Variants in PDCD2 observed in about 807,000 individuals in gnomAD.
PDCD2 encodes the protein programmed cell death 2, also known as uS5 assembly chaperone PDCD2.
A neutral mutation model predicts 38.1 loss-of-function variants in PDCD2; 38 were observed. The observed-to-expected ratio is 1.00, with a 90% CI of 0.77 to 1.31. The LOEUF is 1.31. PDCD2 is among the 50% of genes most tolerant of loss of function. PDCD2 has a pLI of 0.00. For synonymous variants in PDCD2, 205 were observed against 168.9 expected (o/e 1.21, Z -1.66); for missense variants, 473 against 435.7 (o/e 1.09, Z -0.76).
At position 170,580,070 on chromosome 6, in the gene PDCD2, T is replaced by C; in HGVS notation, c.694A>G (p.Lys232Glu). The change falls in exon 4 of 6, where the codon AAA becomes GAA. Residue 232 changes from lysine (K) to glutamate (E), a missense_variant. Lys to Glu is a moderately conservative substitution (Grantham distance 56). Coordinates refer to ENST00000541970, the MANE Select transcript of PDCD2 (RefSeq NM_002598.4). ...ALEEELDSMA[K>E]HESREDKIFQ... ...ATTTTATCTTCCCTGGATTCATGTTTTGCCATGGAATCCAGTTCTTCCTCA... is the reference window on the plus strand; with the variant it reads ...ATTTTATCTTCCCTGGATTCATGTTCTGCCATGGAATCCAGTTCTTCCTCA... 6.2e-7 allele frequency: 1 copy of C among 1,612,060 alleles called. No individual in the cohort carries two copies. The highest frequency in any genetic ancestry group is 8.5e-7 in the Non-Finnish European group (1 of 1,178,456).
chr6:170,584,623 C>A lies in PDCD2; in HGVS notation c.-42G>T. Reference sequence around the variant, plus strand: ...CGTGGGGCGCAGCCCACAGCTGGGTCGGAAGGCGGAAATCGGGCGCCGGGC... The same window carrying A: ...CGTGGGGCGCAGCCCACAGCTGGGTAGGAAGGCGGAAATCGGGCGCCGGGC... On this transcript the variant is annotated 5_prime_UTR_variant, in exon 1 of 6. Coordinates refer to ENST00000541970, the MANE Select transcript of PDCD2 (RefSeq NM_002598.4). 1.7e-6 allele frequency: 2 copies of A among 1,159,286 alleles called. No homozygotes were observed. Among genetic ancestry groups the A allele is most frequent in the South Asian group, 6.4e-5 (2 of 31,270 alleles). The allele number at this position is 1,159,286 out of a possible 1,614,324, so 71.8% of individuals were successfully genotyped here.
At position 170,580,741 on chromosome 6, in the gene PDCD2, C is replaced by T. The variant is rs17860838; in HGVS notation, c.659-636G>A. Among the ~76,000 whole-genome samples, 1,488 of 152,246 alleles carry T rather than the reference C, an allele frequency of 9.8e-3. 8 individuals carry two copies. Among genetic ancestry groups the T allele is most frequent in the Non-Finnish European group, 0.016 (1,105 of 68,006 alleles). On this transcript the variant is annotated intron_variant, in intron 3 of 5. Transcript: ENST00000541970. ...AAAAAAAAAATGTTCATTTCCTTCT[C>T]CACATTCCTTCCTGGGATTACAGCC...
intron 3 of PDCD2, chr6:170,582,203 A>C (rs1177682526): frequency 6.8e-7 from 1 of 1,469,864 alleles, no homozygotes; most frequent in Admixed American, 2.0e-5. Flanking sequence ...CCCAGATATT[A>C]TTTGGGCTCC....
At position 170,576,859 on chromosome 6, in the gene PDCD2, T is replaced by C. The variant is rs1305388617; in HGVS notation, c.*700A>G. On this transcript the variant is annotated 3_prime_UTR_variant, in exon 6 of 6. Transcript: ENST00000541970. ...AGATCAGTTCTGAAGGTCCAGCCTC[T>C]TTAAATTCCAGTTCTGTGATCACAA... 1 of 152,274 alleles carries C rather than the reference T, an allele frequency of 6.6e-6. No homozygotes were observed. The highest frequency in any genetic ancestry group is 1.5e-5 in the Non-Finnish European group (1 of 68,076). 9.4% of individuals were successfully genotyped at this position (152,274 alleles called of 1,614,324 possible).
intron 3 of PDCD2, chr6:170,582,070 A>T: frequency 6.7e-7 from 1 of 1,490,724 alleles, no homozygotes; most frequent in Non-Finnish European, 8.9e-7. Context: ...TTCATTATGT[A>T]TCATGTTTAT....
chr6:170,582,981 C>T (rs1779661231), intron 3 of PDCD2, 76 bp downstream of exon 3: 8 of 1,551,248 alleles, frequency 5.2e-6, no homozygotes, highest in Non-Finnish European at 6.0e-6. Flanking sequence ...CAGTACCTCT[C>T]TTCTAGGCAC....
chr6:170,575,730 A>G lies in PDCD2; in HGVS notation c.*1829T>C, dbSNP rs981742686. 1 of 152,148 alleles carries G rather than the reference A, an allele frequency of 6.6e-6. No individual in the cohort carries two copies. The highest frequency in any genetic ancestry group is 1.5e-5 in the Non-Finnish European group (1 of 68,034). The allele number at this position is 152,148 out of a possible 1,614,324, so 9.4% of individuals were successfully genotyped here. The stretch of plus-strand genomic sequence containing the variant: ...AGTTTGTCTCCCTCTTGATATATCC[A>G]TCCCAAATGGAAAGGCCCTGTAAAC... On this transcript the variant is annotated 3_prime_UTR_variant, in exon 6 of 6. Coordinates refer to ENST00000541970, the MANE Select transcript of PDCD2 (RefSeq NM_002598.4).
rs1432424578 is a variant in PDCD2, at chr6:170,583,643, A to C, written c.388T>G (p.Ser130Ala). The change falls in exon 2 of 6, where the codon TCT (serine) becomes GCT (alanine). Residue 130 changes from serine (S) to alanine (A), a missense_variant. Physicochemically the swap from Ser to Ala is moderately conservative, Grantham distance 99. Coordinates refer to ENST00000541970, the MANE Select transcript of PDCD2 (RefSeq NM_002598.4). ...CAAACCCTGCAGAGATGAGCACCAG[A>C]CTTAAGCTGGAGACACACTGATTCT... ...TGESVCLQLK[S>A]GAHLCRVCGC... is the part of the protein sequence containing the mutation. 4 of 1,614,006 alleles carry C rather than the reference A, an allele frequency of 2.5e-6. No homozygotes were observed. Among genetic ancestry groups the C allele is most frequent in the Non-Finnish European group, 3.4e-6 (4 of 1,179,982 alleles).
chr6:170,583,409 T>C, intron 2 of PDCD2, 96 bp downstream of exon 2: 1 of 1,394,452 alleles, frequency 7.2e-7, no homozygotes, highest in South Asian at 1.4e-5. Flanking sequence ...TAAAGTACTA[T>C]ACCTTTCCTA....
chr6:170,577,384 T>A lies in PDCD2; in HGVS notation c.*175A>T. ...CTCTGTGGATGTACCAAAATTTATT[T>A]AATTCCCTGTCACTGGACACTTTTG... On this transcript the variant is annotated 3_prime_UTR_variant, in exon 6 of 6. Coordinates refer to ENST00000541970, the MANE Select transcript of PDCD2 (RefSeq NM_002598.4). 3 of 584,202 alleles carry A rather than the reference T, an allele frequency of 5.1e-6. No individual in the cohort carries two copies. Among genetic ancestry groups the A allele is most frequent in the Non-Finnish European group, 6.0e-6 (2 of 334,556 alleles). The allele number at this position is 584,202 out of a possible 1,614,324, so 36.2% of individuals were successfully genotyped here.
intron 3 of PDCD2, chr6:170,582,495 GT>G (rs1388195245): frequency 1.5e-6 from 2 of 1,369,788 alleles, no homozygotes; most frequent in Admixed American, 5.9e-5. Context: ...AAATGGGGCA[GT>G]TTCTCACTCA....
chr6:170,584,277 C>A, intron 1 of PDCD2, 22 bp downstream of exon 1: 1 of 1,406,080 alleles, frequency 7.1e-7, no homozygotes, highest in South Asian at 1.6e-5. Flanking sequence ...TGGCCCCGTC[C>A]CGACCCCGTT....
In PDCD2 at chr6:170,584,471, C is replaced by T; in HGVS notation, c.111G>A (p.Trp37Ter). ...GCCCCGGCAGCCCGGCCGCGCCCAG[C>T]CATGCCGGCCGCCCGCCCACCTTGC... ...FPSKVGGRPA[W>*]LGAAGLPGPQ... The change falls in exon 1 of 6, where the codon TGG becomes TGA. Residue 37 changes from tryptophan to a stop codon, truncating the protein, a stop_gained. Transcript: ENST00000541970. LOFTEE classifies it high-confidence loss of function. The T allele has an allele frequency of 7.6e-7, 1 of 1,313,214 alleles. No individual in the cohort carries two copies. The highest frequency in any genetic ancestry group is 9.6e-7 in the Non-Finnish European group (1 of 1,039,358). The allele number at this position is 1,313,214 out of a possible 1,614,324, so 81.3% of individuals were successfully genotyped here. A position where few individuals can be genotyped will look rare whatever the true frequency, so the allele number is the denominator to read the frequency against.
chr6:170,582,627 G>A, intron 3 of PDCD2: 1 of 1,257,096 alleles, frequency 8.0e-7, no homozygotes, highest in Middle Eastern at 3.2e-4. Flanking sequence ...GTCAGCACAA[G>A]TACTACCCAA....
intron 3 of PDCD2, chr6:170,582,295 G>T (rs749779356): frequency 4.6e-6 from 7 of 1,520,840 alleles, no homozygotes; most frequent in Middle Eastern, 1.7e-4. Flanking sequence ...CAGGCACAGA[G>T]TAAGACTCAA....
intron 1 of PDCD2, chr6:170,584,085 ACCAAT>A: frequency 2.0e-6 from 1 of 499,138 alleles, no homozygotes; most frequent in South Asian, 3.9e-5. Context: ...GCTGGGGGTT[ACCAAT>A]GCGCGTGGGC....
chr6:170,578,971 C>A lies in PDCD2; in HGVS notation c.763-1G>T, dbSNP rs762336006. On this transcript the variant is annotated splice_acceptor_variant, in intron 4 of 5. Coordinates refer to ENST00000541970, the MANE Select transcript of PDCD2 (RefSeq NM_002598.4). LOFTEE classifies it high-confidence loss of function. ...CAATACCTCTGCCATATCTAAGAAT[C>A]TAAAATCAATGAAGATCATGTTCAA... The A allele has an allele frequency of 6.5e-7, 1 of 1,535,600 alleles. No individual in the cohort carries two copies. The highest frequency in any genetic ancestry group is 8.9e-7 in the Non-Finnish European group (1 of 1,126,622).
At chr6:170,580,804 C>CT (rs1356882589) in intron 3 of PDCD2, among the ~76,000 whole-genome samples, 1 of 152,208 alleles carries the variant, frequency 6.6e-6, no homozygotes, top group Admixed American at 6.5e-5. Flanking sequence ...ACCCGTGTCT[C>CT]TAAGTATAAC....
At chr6:170,583,306 A>G (rs967614790) in intron 2 of PDCD2, 118 bp from the exon 3 acceptor site, 2 of 922,000 alleles carry the variant, frequency 2.2e-6, no homozygotes, top group African/African-American at 3.3e-5. Context: ...AAAGGGTCAT[A>G]AATTAAATGC....
Sources: gnomAD v4.1 joint callset for allele counts (sites outside exome capture counted in the v4.1 genomes callset) on GRCh38, gnomAD v4.1.1 for gene constraint, MANE v1.5 for transcripts, NCBI Gene and HGNC (gene_info 2026-07-23, HGNC 2026-07-21) for gene names.